PLEKHA6: variants seen among roughly 807,000 people sequenced by gnomAD.
PLEKHA6 encodes pleckstrin homology domain-containing family A member 6.
Under a neutral mutation model 116.7 loss-of-function variants are expected in PLEKHA6, and 60 were observed. The ratio of observed to expected loss-of-function variants is 0.51; its 90% confidence interval spans 0.42 to 0.64. PLEKHA6 has a LOEUF of 0.64. Among genes scored for constraint, PLEKHA6 ranks in the 30% least tolerant of loss-of-function variants. The probability of loss-of-function intolerance (pLI) is 0.00; values close to 1 mark genes in which losing one functional copy is unlikely to be tolerated. For missense variants in PLEKHA6, 1,338 were observed against 1,422.7 expected (o/e 0.94, Z 0.96); for synonymous variants, 489 against 556.1 (o/e 0.88, Z 1.70).
rs768625962 is a variant in PLEKHA6, at chr1:204,221,132, C to T, written c.*1656G>A. On this transcript the variant is annotated 3_prime_UTR_variant, in exon 23 of 23. Transcript: ENST00000272203. ...TGCTAGAAGTGAAGATCGGTGGAAT[C>T]CTCCCAGGCTGTAATCCCTCAGAAA... 5 of 152,624 alleles carry T rather than the reference C, an allele frequency of 3.3e-5. No homozygotes were observed. The highest frequency in any genetic ancestry group is 7.3e-5 in the Non-Finnish European group (5 of 68,044). The allele number at this position is 152,624 out of a possible 1,614,324, so 9.5% of individuals were successfully genotyped here.
chr1:204,277,149 G>A lies in PLEKHA6; in HGVS notation c.-94-2340C>T, dbSNP rs934019895. On this transcript the variant is annotated intron_variant, in intron 1 of 22. Coordinates refer to ENST00000272203, the MANE Select transcript of PLEKHA6 (RefSeq NM_014935.5). The surrounding 1 kb of genome is among the most constrained non-coding windows in gnomAD (Gnocchi z 4.1). ...CTCGTAAGGCTGTGGCAGAGATGCA[G>A]AGTGATTGGTGGCAGAGTCTCTAGC... 2.0e-5 allele frequency: 3 copies of A among 152,700 alleles called. No homozygotes were observed. The highest frequency in any genetic ancestry group is 7.2e-5 in the African/African-American group (3 of 41,462). The allele number at this position is 152,700 out of a possible 1,614,324, so 9.5% of individuals were successfully genotyped here. A position where few individuals can be genotyped will look rare whatever the true frequency, so the allele number is the denominator to read the frequency against.
chr1:204,257,674 G>A lies in PLEKHA6; in HGVS notation c.1203C>T (p.Gly401=). 6.2e-7 allele frequency: 1 copy of A among 1,610,310 alleles called. No homozygotes were observed. Among genetic ancestry groups the A allele is most frequent in the Non-Finnish European group, 8.5e-7 (1 of 1,178,430 alleles). The change falls in exon 9 of 23, where the codon GGC becomes GGT. Residue 401 remains glycine (G), a synonymous_variant. Transcript: ENST00000272203. The surrounding 1 kb of genome is among the most constrained non-coding windows in gnomAD (Gnocchi z 6.5). ...DKRHAFRNGG[G]PAYQLREWKE... ...TCCACTCTCGCAGCTGGTAGGCAGG[G>A]CCACCCCCATTGCGGAAGGCATGGC... is the stretch of plus-strand genomic sequence containing the variant.
chr1:204,280,366 T>C (rs1271567154), intron 1 of PLEKHA6: 1 of 985,224 alleles, frequency 1.0e-6, no homozygotes, highest in Non-Finnish European at 1.2e-6. Context: ...GCACACACAC[T>C]CCCAGGCTGG....
intron 2 of PLEKHA6, among the ~76,000 whole-genome samples, chr1:204,368,067 G>C (rs1163244927): frequency 6.6e-6 from 1 of 152,188 alleles, no homozygotes; most frequent in Admixed American, 6.5e-5. Context: ...GAGAGATATG[G>C]GAGTGGACGG....
rs4288652 is a variant in PLEKHA6 at position 204,247,473 on chromosome 1, G to A, written c.1825-13C>T. On this transcript the variant is annotated splice_polypyrimidine_tract_variant and intron_variant, in intron 12 of 22. Transcript: ENST00000272203. Reference sequence around the variant, plus strand: ...TGTTTGTCAGGGCCTACGGGGGAAAGAGGCGTTCACTGAGAAAGCCGCCAT... The same window carrying A: ...TGTTTGTCAGGGCCTACGGGGGAAAAAGGCGTTCACTGAGAAAGCCGCCAT... 0.65 allele frequency: 1,024,962 copies of A among 1,585,142 alleles called. 333,388 individuals are homozygous for A. Among genetic ancestry groups the A allele is most frequent in the East Asian group, 0.82 (36,704 of 44,510 alleles).
At chr1:204,247,039 G>T (rs1322338720) in intron 13 of PLEKHA6, among the ~76,000 whole-genome samples, 1 of 152,192 alleles carries the variant, frequency 6.6e-6, no homozygotes, top group East Asian at 1.9e-4. Flanking sequence ...AGGAGGCTGA[G>T]GTGGGAGGAT....
At chr1:204,368,374 T>C (rs912034615) in intron 2 of PLEKHA6, 1 of 152,182 alleles carries the variant, frequency 6.6e-6, no homozygotes, top group African/African-American at 2.4e-5. Context: ...CTGTGCTCTT[T>C]CTGGACAGGA....
intron 1 of PLEKHA6, among the ~76,000 whole-genome samples, chr1:204,341,811 T>C (rs1359674114): frequency 6.6e-6 from 1 of 152,174 alleles, no homozygotes; most frequent in African/African-American, 2.4e-5. Context: ...CAACTGTACA[T>C]ATCCAGTGGT....
chr1:204,269,535 C>T (rs749064246), intron 3 of PLEKHA6, among the ~76,000 whole-genome samples: 2 of 151,246 alleles, frequency 1.3e-5, no homozygotes, highest in Non-Finnish European at 2.9e-5. Flanking sequence ...GATGGCAGCT[C>T]CACCCCACAC....
At chr1:204,342,446 C>T (rs565012609) in intron 1 of PLEKHA6, among the ~76,000 whole-genome samples, 1 of 152,308 alleles carries the variant, frequency 6.6e-6, no homozygotes, top group Admixed American at 6.5e-5. Context: ...ATATCAAGGC[C>T]TTGAAAGATA....
rs1323684496 is a variant in PLEKHA6, at chr1:204,221,660, T to C, written c.*1128A>G. ...AAGAAATATCATGGAACTGGGTAGG[T>C]AAGGCCCCAAGGCTGACCACACCCT... On this transcript the variant is annotated 3_prime_UTR_variant, in exon 23 of 23. Transcript: ENST00000272203. 6.6e-6 allele frequency: 1 copy of C among 152,256 alleles called. No individual in the cohort carries two copies. The highest frequency in any genetic ancestry group is 1.5e-5 in the Non-Finnish European group (1 of 68,142). The allele number at this position is 152,256 out of a possible 1,614,324, so 9.4% of individuals were successfully genotyped here. A position where few individuals can be genotyped will look rare whatever the true frequency, so the allele number is the denominator to read the frequency against.
At chr1:204,230,643 C>T (rs1247026096) in intron 17 of PLEKHA6, 57 bp from the exon 18 acceptor site, 1 of 1,414,404 alleles carries the variant, frequency 7.1e-7, no homozygotes, top group Non-Finnish European at 9.6e-7. Context: ...CCCAGCTTTT[C>T]CATCCTGAAC....
chr1:204,250,027 C>A (rs1267891936), intron 10 of PLEKHA6, among the ~76,000 whole-genome samples: 2 of 152,220 alleles, frequency 1.3e-5, no homozygotes, highest in Non-Finnish European at 2.9e-5. Flanking sequence ...CACTTCCCTG[C>A]ACCTGGCAGA....
At chr1:204,305,708 T>C (rs1248501326) in intron 1 of PLEKHA6, among the ~76,000 whole-genome samples, 1 of 152,142 alleles carries the variant, frequency 6.6e-6, no homozygotes, top group East Asian at 1.9e-4. Context: ...ACCAACTACA[T>C]AAAGATGCTA....
intron 1 of PLEKHA6, among the ~76,000 whole-genome samples, chr1:204,375,937 C>A (rs1673862222): frequency 9.2e-6 from 1 of 109,238 alleles, no homozygotes; most frequent in African/African-American, 4.0e-5. Flanking sequence ...TGTCTCTCCT[C>A]CAGAATCAGC....
chr1:204,276,283 A>G (rs1466994246), intron 1 of PLEKHA6, among the ~76,000 whole-genome samples: 1 of 152,108 alleles, frequency 6.6e-6, no homozygotes, highest in Non-Finnish European at 1.5e-5. Context: ...GCGCGTGTCC[A>G]CCAGGCCTGG....
chr1:204,296,619 C>G (rs1670306208), intron 1 of PLEKHA6, among the ~76,000 whole-genome samples: 1 of 152,236 alleles, frequency 6.6e-6, no homozygotes, highest in African/African-American at 2.4e-5. Context: ...TCCAGCCCTG[C>G]ACCCAGAGTT....
chr1:204,275,079 A>G, intron 1 of PLEKHA6: 1 of 262,428 alleles, frequency 3.8e-6, no homozygotes, highest in Non-Finnish European at 5.9e-6. Flanking sequence ...AATAAGCCAC[A>G]CTGAACTCTT....
chr1:204,292,705 C>A (rs765153869), intron 1 of PLEKHA6, among the ~76,000 whole-genome samples: 1 of 152,222 alleles, frequency 6.6e-6, no homozygotes, highest in Non-Finnish European at 1.5e-5. Context: ...GTGGCAGCAC[C>A]TGAGAGGCTC....
Sources: allele counts gnomAD v4.1 joint callset (sites outside exome capture counted in the v4.1 genomes callset), GRCh38; gene constraint gnomAD v4.1.1; non-coding constraint Gnocchi (gnomAD v3.1); transcripts MANE v1.5; gene names NCBI Gene and HGNC (gene_info 2026-07-23, HGNC 2026-07-21).